Variants in DAB2IP observed in about 807,000 individuals in gnomAD.
DAB2IP encodes the protein disabled homolog 2-interacting protein.
In DAB2IP, 28 loss-of-function variants were observed where a neutral mutation model predicts 107.2. The observed-to-expected ratio is 0.26, with a 90% confidence interval of 0.19 to 0.36. The LOEUF is 0.36. Ranked by LOEUF, DAB2IP falls within the 10% of genes least tolerant of loss-of-function variation. The pLI is 1.00. For missense variants in DAB2IP, 1,400 were observed against 1,644.7 expected (o/e 0.85, Z 2.57); for synonymous variants, 755 against 706.4 (o/e 1.07, Z -1.09).
At chr9:121,783,271 C>T (rs1213296562) in exon 16 of DAB2IP, 12 of 1,353,496 alleles carry the variant, frequency 8.9e-6, no homozygotes, top group African/African-American at 2.9e-5. Context: ...CAGCTTCCCA[C>T]ACCTCCCACA....
intron 1 of DAB2IP, among the ~76,000 whole-genome samples, chr9:121,668,584 T>C (rs908862076): frequency 6.6e-6 from 1 of 152,138 alleles, no homozygotes; most frequent in Non-Finnish European, 1.5e-5. Flanking sequence ...GATTTTGTAT[T>C]TTCTCTTCCT....
At chr9:121,681,927 C>T (rs1274536861) in intron 2 of DAB2IP, among the ~76,000 whole-genome samples, 1 of 152,178 alleles carries the variant, frequency 6.6e-6, no homozygotes, top group Non-Finnish European at 1.5e-5. Context: ...AATGTGGTCG[C>T]CCAAGTCTGA....
Position 121,680,630 on chromosome 9 carries a change from A to C in DAB2IP, c.228+1849A>C, listed in dbSNP as rs1021401372. ...CAGGGTGGGCCTTCAGGGGGACCCT[A>C]GGGAACGATGACTAATAATAATTAG... On this transcript the variant is annotated intron_variant, in intron 2 of 15. Transcript: ENST00000408936. 2.0e-5 allele frequency among the ~76,000 whole-genome samples: 3 copies of C among 152,212 alleles called. No homozygotes were observed. In the South Asian group the frequency reaches 6.2e-4, roughly 32 times the overall value.
intron 1 of DAB2IP, among the ~76,000 whole-genome samples, chr9:121,567,860 G>A (rs539118310): frequency 2.6e-5 from 4 of 152,248 alleles, no homozygotes; most frequent in East Asian, 3.9e-4. Context: ...GGGCTCCAGC[G>A]ACGCAGTAAC....
intron 15 of DAB2IP, among the ~76,000 whole-genome samples, chr9:121,781,890 A>T (rs1007961873): frequency 9.9e-5 from 15 of 152,268 alleles, no homozygotes; most frequent in Admixed American, 7.2e-4. Flanking sequence ...CTCGTTCACA[A>T]CTATGGCATC....
At chr9:121,568,201 G>A (rs2118875020) in intron 1 of DAB2IP, among the ~76,000 whole-genome samples, 1 of 152,306 alleles carries the variant, frequency 6.6e-6, no homozygotes, top group South Asian at 2.1e-4. Context: ...CCCCATCCAG[G>A]CCTGGCTGCC....
chr9:121,761,946 T>C (rs1187558122), intron 6 of DAB2IP, among the ~76,000 whole-genome samples: 1 of 152,104 alleles, frequency 6.6e-6, no homozygotes, highest in Non-Finnish European at 1.5e-5. Context: ...AGCGGATTCC[T>C]CCCTGAAGCA....
rs530658527 is a variant in DAB2IP at position 121,591,449 on chromosome 9, A to C, written c.40+24221A>C. ...GTGCCACTGCACTCCAGCCTTGGGC[A>C]ACAGAGTGAGACTCTGTTCTCCTGC... On this transcript the variant is annotated intron_variant, in intron 1 of 16. Coordinates refer to the DAB2IP transcript ENST00000259371. Among the ~76,000 whole-genome samples the C allele has an allele frequency of 4.0e-4, 61 of 152,348 alleles. 1 individual carries two copies. The highest frequency in any genetic ancestry group is 3.8e-3 in the Admixed American group (58 of 15,292).
intron 10 of DAB2IP, among the ~76,000 whole-genome samples, chr9:121,769,529 T>C (rs2119001671): frequency 6.6e-6 from 1 of 152,364 alleles, no homozygotes; most frequent in South Asian, 2.1e-4. Flanking sequence ...AATGACTGCA[T>C]TGTATGAATG....
intron 1 of DAB2IP, among the ~76,000 whole-genome samples, chr9:121,595,372 C>T (rs970739304): frequency 2.0e-5 from 3 of 151,988 alleles, no homozygotes; most frequent in Non-Finnish European, 4.4e-5. Context: ...GCAGGAGGAT[C>T]GTTTGGGCCC....
chr9:121,710,326 C>T lies in DAB2IP; in HGVS notation c.362+10868C>T, dbSNP rs577351973. ...TTTGGAAGTATGTCCCAAGGGCACC[C>T]GGGGCTCTGCTGGGGGCTGCTGTGG... is the stretch of plus-strand genomic sequence containing the variant. On this transcript the variant is annotated intron_variant, in intron 3 of 15. Transcript: ENST00000408936. 4.6e-5 allele frequency among the ~76,000 whole-genome samples: 7 copies of T among 152,256 alleles called. No homozygotes were observed. In the South Asian group the frequency reaches 1.0e-3, roughly 23 times the overall value.
rs765874618 is a variant in DAB2IP at position 121,772,797 on chromosome 9, C to A, written c.2269C>A (p.Leu757Met). The change falls in exon 12 of 16, where the codon CTG (leucine) becomes ATG (methionine). Residue 757 changes from leucine (L) to methionine (M), a missense_variant. By Grantham distance (15) the Leu-to-Met change is conservative (BLOSUM62 2). This residue lies in a region of DAB2IP where 600 missense variants were observed against 659.1 expected (regional missense o/e 0.91). Coordinates refer to ENST00000408936, the Ensembl canonical transcript of DAB2IP. This position sits in a 1 kb window ranked among gnomAD's most constrained non-coding sequence, Gnocchi z 4.7. Reference sequence around the variant, plus strand: ...GGTGGACCTCCAGGACGCCCGCACGCTGGATGGGGAGGCAGGCTCCCCGGC... The same window carrying A: ...GGTGGACCTCCAGGACGCCCGCACGATGGATGGGGAGGCAGGCTCCCCGGC... The A allele has an allele frequency of 1.2e-6, 2 of 1,612,638 alleles. No individual in the cohort carries two copies. The highest frequency in any genetic ancestry group is 2.2e-5 in the South Asian group (2 of 90,976).
intron 3 of DAB2IP, among the ~76,000 whole-genome samples, chr9:121,754,226 C>T (rs1377377074): frequency 6.6e-6 from 1 of 152,214 alleles, no homozygotes; most frequent in African/African-American, 2.4e-5. Context: ...TCACAGCAGA[C>T]CAGCTCCCTC....
At chr9:121,671,088 T>C (rs577589845) in intron 1 of DAB2IP, among the ~76,000 whole-genome samples, 1 of 152,210 alleles carries the variant, frequency 6.6e-6, no homozygotes, top group Admixed American at 6.5e-5. Context: ...GAGGTGGTGA[T>C]TGCAGTGAGC....
chr9:121,621,427 A>G (rs189875577), intron 1 of DAB2IP, among the ~76,000 whole-genome samples: 1 of 152,130 alleles, frequency 6.6e-6, no homozygotes, highest in African/African-American at 2.4e-5. Context: ...AGCTCAGCTG[A>G]CTGAACAACC....
At chr9:121,777,155 C>G (rs534628345) in intron 14 of DAB2IP, among the ~76,000 whole-genome samples, 3 of 152,246 alleles carry the variant, frequency 2.0e-5, no homozygotes, top group African/African-American at 7.2e-5. Flanking sequence ...ACTTCCTTCT[C>G]AGTAATACCA....
chr9:121,689,949 T>C (rs977095368), intron 2 of DAB2IP, among the ~76,000 whole-genome samples: 7 of 152,270 alleles, frequency 4.6e-5, no homozygotes, highest in African/African-American at 1.7e-4. Context: ...TGGAGCAGCC[T>C]GTCTGCTGTG....
At chr9:121,746,666 G>C (rs556962212) in intron 3 of DAB2IP, among the ~76,000 whole-genome samples, 56 of 152,338 alleles carry the variant, frequency 3.7e-4, no homozygotes, top group Non-Finnish European at 5.0e-4. Flanking sequence ...TTCTAGGGGG[G>C]GCCCAGCATG....
chr9:121,663,905 G>A (rs900326818), intron 1 of DAB2IP, among the ~76,000 whole-genome samples: 2 of 152,192 alleles, frequency 1.3e-5, no homozygotes, highest in African/African-American at 4.8e-5. Flanking sequence ...AGAGATATCC[G>A]GGCTTGAATC....
Sources: allele counts gnomAD v4.1 joint callset (sites outside exome capture counted in the v4.1 genomes callset), GRCh38; gene constraint gnomAD v4.1.1; regional missense constraint gnomAD v4.1.1; non-coding constraint Gnocchi (gnomAD v3.1); transcripts MANE v1.5; gene names NCBI Gene and HGNC (gene_info 2026-07-23, HGNC 2026-07-21).